The following ANKS1B variants were observed in gnomAD, a reference collection of about 807,000 sequenced individuals.
The protein encoded by ANKS1B is ankyrin repeat and sterile alpha motif domain containing 1B.
ANKS1B carries 36 observed loss-of-function variants against 148.3 expected under a neutral mutation model. That is an observed-to-expected ratio of 0.24 (90% CI 0.19 to 0.32). The LOEUF (loss-of-function observed/expected upper bound fraction) is 0.32. ANKS1B is among the 10% of genes least tolerant of loss of function. The probability of loss-of-function intolerance (pLI) is 1.00; values close to 1 mark genes in which losing one functional copy is unlikely to be tolerated. For synonymous variants in ANKS1B, 542 were observed against 560.8 expected (o/e 0.97, Z 0.47); for missense variants, 1,157 against 1,542.6 (o/e 0.75, Z 4.19).
At chr12:99,232,854 C>T (rs191492726) in intron 14 of ANKS1B, among the ~76,000 whole-genome samples, 54 of 152,152 alleles carry the variant, frequency 3.5e-4, no homozygotes, top group Non-Finnish European at 5.6e-4. Context: ...CATGCATACT[C>T]TGATAAAAAG....
In ANKS1B at chr12:99,290,366, C is replaced by G. The variant is rs375250248; in HGVS notation, c.1757-43502G>C. 5.3e-5 allele frequency among the ~76,000 whole-genome samples: 8 copies of G among 150,936 alleles called. No individual in the cohort carries two copies. In the East Asian group the frequency reaches 1.6e-3, roughly 29 times the overall value. On this transcript the variant is annotated intron_variant, in intron 12 of 26. Transcript: ENST00000683438. ...TATTTGCAGAAGAACTAATACCAATCCTACTCAAACAATTCTGAAAAATAA... is the reference window on the plus strand; with the variant it reads ...TATTTGCAGAAGAACTAATACCAATGCTACTCAAACAATTCTGAAAAATAA...
At chr12:99,176,792 C>T (rs1452050274) in intron 14 of ANKS1B, among the ~76,000 whole-genome samples, 2 of 152,128 alleles carry the variant, frequency 1.3e-5, no homozygotes, top group Non-Finnish European at 2.9e-5. Flanking sequence ...GAGATGCCTG[C>T]TCCCCCTTTG....
intron 21 of ANKS1B, among the ~76,000 whole-genome samples, chr12:98,799,680 G>C (rs2098983722): frequency 6.6e-6 from 1 of 152,016 alleles, no homozygotes; most frequent in South Asian, 2.1e-4. Context: ...TAGAAGACCA[G>C]ACCCCATACT....
chr12:99,781,200 A>G (rs2064284390), intron 5 of ANKS1B, among the ~76,000 whole-genome samples: 1 of 152,180 alleles, frequency 6.6e-6, no homozygotes, highest in Non-Finnish European at 1.5e-5. Flanking sequence ...TCCTCAAATC[A>G]TTTGTTATAT....
At chr12:99,531,565 C>T (rs9634219) in intron 9 of ANKS1B, among the ~76,000 whole-genome samples, 70,652 of 151,990 alleles carry the variant, frequency 0.46, 16,638 homozygotes, top group East Asian at 0.55. Flanking sequence ...GGCTGAGTAG[C>T]ATTCCATGGT....
At chr12:98,742,630 C>T (rs942164368), downstream of ANKS1B, among the ~76,000 whole-genome samples, 2 of 152,196 alleles carry the variant, frequency 1.3e-5, no homozygotes, top group Non-Finnish European at 2.9e-5. Flanking sequence ...AGGGTTATTT[C>T]GACCACAAAA....
At chr12:99,176,087 G>A (rs2078351033) in intron 14 of ANKS1B, among the ~76,000 whole-genome samples, 1 of 152,088 alleles carries the variant, frequency 6.6e-6, no homozygotes, top group Admixed American at 6.6e-5. Flanking sequence ...GACCTCAGGT[G>A]ATCCGCCTGC....
At chr12:99,317,666 G>T (rs1021406310) in intron 12 of ANKS1B, among the ~76,000 whole-genome samples, 2 of 152,114 alleles carry the variant, frequency 1.3e-5, no homozygotes, top group African/African-American at 4.8e-5. Context: ...TCTTTCTCCT[G>T]CCTGATTTGC....
intron 1 of ANKS1B, among the ~76,000 whole-genome samples, chr12:99,884,164 C>T (rs1393753124): frequency 6.6e-6 from 1 of 151,976 alleles, no homozygotes; most frequent in Admixed American, 6.6e-5. Flanking sequence ...TGAAAAGATG[C>T]TCACTGTCAT....
At chr12:99,740,428 C>T (rs2059989340) in intron 8 of ANKS1B, among the ~76,000 whole-genome samples, 1 of 152,134 alleles carries the variant, frequency 6.6e-6, no homozygotes, top group Admixed American at 6.5e-5. Flanking sequence ...AGGAATCAGA[C>T]CTGACTGCAG....
intron 11 of ANKS1B, among the ~76,000 whole-genome samples, chr12:99,435,377 G>A (rs1040815682): frequency 6.6e-6 from 1 of 152,006 alleles, no homozygotes. Context: ...TCTTAAGTAG[G>A]TTCCAATGAT....
At chr12:99,590,285 C>CACAT (rs2097689679) in intron 9 of ANKS1B, among the ~76,000 whole-genome samples, 1 of 151,488 alleles carries the variant, frequency 6.6e-6, no homozygotes, top group Non-Finnish European at 1.5e-5. Flanking sequence ...CACACACACA[C>CACAT]ACACACGCTT....
rs1379877232 is a variant in ANKS1B, at chr12:99,360,098, T to A, written c.1756+39533A>T. 2.0e-5 allele frequency among the ~76,000 whole-genome samples: 3 copies of A among 152,294 alleles called. No homozygotes were observed. In the East Asian group the frequency reaches 5.8e-4, roughly 29 times the overall value. The stretch of plus-strand genomic sequence containing the variant: ...TTCTACTTTGAATTGGAATTTTTGC[T>A]CTTTTTCACTTCTCAGAGAATACCT... On this transcript the variant is annotated intron_variant, in intron 12 of 26. Coordinates refer to ENST00000683438, the MANE Select transcript of ANKS1B (RefSeq NM_001352186.2).
intron 12 of ANKS1B, among the ~76,000 whole-genome samples, chr12:99,373,601 T>C (rs1286700582): frequency 2.6e-5 from 4 of 152,168 alleles, no homozygotes; most frequent in Non-Finnish European, 2.9e-5. Context: ...AATGATGGTG[T>C]TTTAAAGAGA....
Position 99,632,736 on chromosome 12 carries a change from T to TAA in ANKS1B, c.1272+22330_1272+22331insTT, listed in dbSNP as rs2098176880. Among the ~76,000 whole-genome samples the TAA allele has an allele frequency of 8.9e-5, 3 of 33,872 alleles. No homozygotes were observed. The Admixed American group carries it at 8.9e-4, about 10-fold the overall frequency. The allele number at this position is 33,872 out of a possible 152,430, so 22.2% of individuals were successfully genotyped here. ...TGTCTTCCTTTTCTTTCTATATATA[T>TAA]ATATATATATATATATATATATATA... is the stretch of plus-strand genomic sequence containing the variant. On this transcript the variant is annotated intron_variant, in intron 9 of 26. Transcript: ENST00000683438.
chr12:98,912,876 C>T (rs1210685621), intron 17 of ANKS1B, among the ~76,000 whole-genome samples: 1 of 152,148 alleles, frequency 6.6e-6, no homozygotes, highest in Admixed American at 6.5e-5. Flanking sequence ...TAGATTTGCA[C>T]AACTTTAGAT....
intron 25 of ANKS1B, among the ~76,000 whole-genome samples, chr12:98,753,157 G>T (rs142889094): frequency 1.3e-5 from 2 of 152,296 alleles, no homozygotes; most frequent in East Asian, 3.9e-4. Flanking sequence ...CTTTTCTTCC[G>T]ACCTTCAATC....
rs1235494237 is a variant in ANKS1B at position 99,151,460 on chromosome 12, G to A, written c.2526+2829C>T. Among the ~76,000 whole-genome samples the A allele has an allele frequency of 4.0e-5, 6 of 151,660 alleles. No individual in the cohort carries two copies. The South Asian group carries it at 1.3e-3, about 32-fold the overall frequency. On this transcript the variant is annotated intron_variant, in intron 15 of 26. Coordinates refer to ENST00000683438, the MANE Select transcript of ANKS1B (RefSeq NM_001352186.2). Reference sequence around the variant, plus strand: ...GGAGAATCGCTTGAACTGGAAAGATGGAGGCTGCAGGGGGCTGAGATCACA... The same window carrying A: ...GGAGAATCGCTTGAACTGGAAAGATAGAGGCTGCAGGGGGCTGAGATCACA...
chr12:99,431,825 T>C (rs2152751281), intron 11 of ANKS1B, among the ~76,000 whole-genome samples: 1 of 152,350 alleles, frequency 6.6e-6, no homozygotes, highest in South Asian at 2.1e-4. Flanking sequence ...TGCTACGATA[T>C]GGATATGGCT....
Sources: allele counts gnomAD v4.1 joint callset (sites outside exome capture counted in the v4.1 genomes callset), GRCh38; gene constraint gnomAD v4.1.1; transcripts MANE v1.5; gene names NCBI Gene and HGNC (gene_info 2026-07-23, HGNC 2026-07-21).